PYHIN1: variants seen among roughly 807,000 people sequenced by gnomAD.
PYHIN1 encodes the protein pyrin and HIN domain-containing protein 1.
In PYHIN1, 32 loss-of-function variants were observed where a neutral mutation model predicts 43.7. The ratio of observed to expected loss-of-function variants is 0.73; its 90% CI spans 0.55 to 0.98. The LOEUF is 0.98. Among genes scored for constraint, PYHIN1 ranks in the 50% least tolerant of loss-of-function variants. The pLI is 0.00. For synonymous variants in PYHIN1, 205 were observed against 203.1 expected (o/e 1.01, Z -0.08); for missense variants, 588 against 589.5 (o/e 1.00, Z 0.03).
intron 7 of PYHIN1, among the ~76,000 whole-genome samples, chr1:158,956,318 C>G (rs1214712257): frequency 6.6e-6 from 1 of 152,072 alleles, no homozygotes. Flanking sequence ...AATTTTAGAC[C>G]AATATCCTTG....
rs536001144 is a variant in PYHIN1 at position 158,955,104 on chromosome 1, A to G, written c.1359+10062A>G. 1.7e-3 allele frequency among the ~76,000 whole-genome samples: 254 copies of G among 151,938 alleles called. 2 individuals carry two copies. Among genetic ancestry groups the G allele is most frequent in the African/African-American group, 5.9e-3 (243 of 41,196 alleles). On this transcript the variant is annotated intron_variant, in intron 7 of 8. Coordinates refer to ENST00000368140, the MANE Select transcript of PYHIN1 (RefSeq NM_152501.5). ...CAGGAGCACCCAGATTCGTAAAGGAAGTCCTGAGTGACCTACAAAGAGACT... is the reference window on the plus strand; with the variant it reads ...CAGGAGCACCCAGATTCGTAAAGGAGGTCCTGAGTGACCTACAAAGAGACT...
At chr1:158,937,229 C>A in intron 2 of PYHIN1, 54 bp downstream of exon 2, 1 of 1,502,878 alleles carries the variant, frequency 6.7e-7, no homozygotes, top group Non-Finnish European at 8.9e-7. Flanking sequence ...CCCTTCCCAA[C>A]CTTGATTAGA....
intron 7 of PYHIN1, among the ~76,000 whole-genome samples, chr1:158,958,697 G>A (rs1377786293): frequency 2.7e-5 from 4 of 148,880 alleles, no homozygotes; most frequent in African/African-American, 2.5e-5. Flanking sequence ...CATGGCACAT[G>A]CATACATATG....
intron 8 of PYHIN1, among the ~76,000 whole-genome samples, chr1:158,974,491 C>T (rs978228030): frequency 2.6e-5 from 4 of 151,906 alleles, no homozygotes; most frequent in Admixed American, 6.6e-5. Context: ...CAATTGAATC[C>T]CAGCCTGCTT....
At chr1:158,987,859 G>A in the PYHIN1 span, among the ~76,000 whole-genome samples, 1 of 152,152 alleles carries the variant, frequency 6.6e-6, no homozygotes, top group Admixed American at 6.5e-5. Context: ...TCCTGGCAAA[G>A]CTAATTCAGA....
In PYHIN1 at chr1:158,933,105, T is replaced by C. The variant is rs1648266043; in HGVS notation, c.-21+1329T>C. Among the ~76,000 whole-genome samples the C allele has an allele frequency of 6.6e-6, 1 of 151,758 alleles. No individual in the cohort carries two copies. Among genetic ancestry groups the C allele is most frequent in the African/African-American group, 2.4e-5 (1 of 41,314 alleles). On this transcript the variant is annotated intron_variant, in intron 1 of 8. Transcript: ENST00000368140. This position sits in a 1 kb window ranked among gnomAD's most constrained non-coding sequence, Gnocchi z 6.3. ...TATAGAACCTCCTATTATAAGACGG[T>C]ATTTTCTTGTACTCCTCTCAAATTC...
chr1:158,937,870 G>A (rs1001961444), intron 2 of PYHIN1, among the ~76,000 whole-genome samples: 6 of 151,452 alleles, frequency 4.0e-5, no homozygotes, highest in African/African-American at 1.2e-4. Context: ...GCGTGAACCC[G>A]AGAGGCGGAG....
intron 3 of PYHIN1, 41 bp from the exon 4 acceptor site, chr1:158,939,039 G>T: frequency 1.4e-6 from 2 of 1,446,354 alleles, no homozygotes; most frequent in South Asian, 1.4e-5. Context: ...TGCTTCATTT[G>T]ACACTGAAAG....
rs1648974460 is a variant in PYHIN1, at chr1:158,942,367, T to C, written c.970T>C (p.Tyr324His). The C allele has an allele frequency of 2.5e-6, 4 of 1,608,246 alleles. No individual in the cohort carries two copies. The highest frequency in any genetic ancestry group is 3.4e-6 in the Non-Finnish European group (4 of 1,178,180). Reference protein sequence around the residue: ...INILHKQTSGYIVYGLFMLHT... With the variant: ...INILHKQTSGHIVYGLFMLHT... ...TATTCTTCACAAACAAACTTCAGGATATATTGTATATGGATTATTTATGCT... is the reference window on the plus strand; with the variant it reads ...TATTCTTCACAAACAAACTTCAGGACATATTGTATATGGATTATTTATGCT... The change falls in exon 5 of 9, where the codon TAT becomes CAT. Residue 324 changes from tyrosine to histidine, a missense_variant. Tyr to His is a moderately conservative substitution (Grantham distance 83). Transcript: ENST00000368140.
chr1:158,958,045 AC>A (rs1202942509), intron 7 of PYHIN1, among the ~76,000 whole-genome samples: 1 of 152,252 alleles, frequency 6.6e-6, no homozygotes, highest in Non-Finnish European at 1.5e-5. Flanking sequence ...GCCAATCTAA[AC>A]CACAATGAGA....
intron 7 of PYHIN1, among the ~76,000 whole-genome samples, chr1:158,967,991 CT>C (rs1323492239): frequency 6.6e-6 from 1 of 151,910 alleles, no homozygotes; most frequent in African/African-American, 2.4e-5. Flanking sequence ...TATAAAAACC[CT>C]GGAAGATGAC....
chr1:158,967,763 A>C (rs1650707911), intron 7 of PYHIN1, among the ~76,000 whole-genome samples: 2 of 152,224 alleles, frequency 1.3e-5, no homozygotes, highest in South Asian at 2.1e-4. Context: ...CCAATGAAAC[A>C]GAATAGACAG....
chr1:158,970,997 T>G (rs996826526), intron 7 of PYHIN1, among the ~76,000 whole-genome samples: 1 of 152,172 alleles, frequency 6.6e-6, no homozygotes, highest in East Asian at 1.9e-4. Flanking sequence ...GTTTTTGTAG[T>G]TGAGGGAGTA....
rs1263499168 is a variant in PYHIN1, at chr1:158,944,125, T to C, written c.1191+147T>C. 1.2e-5 allele frequency: 5 copies of C among 417,068 alleles called. No homozygotes were observed. In the Admixed American group the frequency reaches 1.7e-4, roughly 14 times the overall value. The allele number at this position is 417,068 out of a possible 1,614,324, so 25.8% of individuals were successfully genotyped here. A position where few individuals can be genotyped will look rare whatever the true frequency, so the allele number is the denominator to read the frequency against. Reference sequence around the variant, plus strand: ...TAATGCCCTTGCGCTTACATTTAAATAGAGAAAATTATTAAAATATATTAA... The same window carrying C: ...TAATGCCCTTGCGCTTACATTTAAACAGAGAAAATTATTAAAATATATTAA... On this transcript the variant is annotated intron_variant, in intron 6 of 8. Transcript: ENST00000368140.
intron 7 of PYHIN1, among the ~76,000 whole-genome samples, chr1:158,959,662 T>A (rs1396626525): frequency 6.6e-6 from 1 of 152,190 alleles, no homozygotes; most frequent in East Asian, 1.9e-4. Context: ...ACGTTTCAGA[T>A]TAGATGAGGT....
the PYHIN1 span, among the ~76,000 whole-genome samples, chr1:158,988,136 G>A: frequency 0.073 from 11,090 of 152,204 alleles, 472 homozygotes; most frequent in Admixed American, 0.11. Flanking sequence ...CCAGAACTGT[G>A]AAACCATAAA....
intron 4 of PYHIN1, chr1:158,940,211 G>A (rs912048281): frequency 2.0e-5 from 3 of 148,260 alleles, no homozygotes; most frequent in African/African-American, 7.5e-5. Flanking sequence ...GGGTGACAGA[G>A]CGAGACTCCA....
Position 158,973,704 on chromosome 1 carries a change from C to T in PYHIN1, c.1417C>T (p.Pro473Ser), listed in dbSNP as rs759625889. ...GCCTGCAAACTTTAGAATCACCTCA[C>T]CAACTGTGGCCCCTCCTCTTTCTTC... ...SSPANFRITS[P>S]TVAPPLSSDT... The change falls in exon 8 of 9, where the codon CCA becomes TCA. Residue 473 changes from proline (P) to serine (S), a missense_variant. Physicochemically the swap from Pro to Ser is moderately conservative, Grantham distance 74. Transcript: ENST00000368140. The T allele has an allele frequency of 1.2e-6, 2 of 1,613,066 alleles. No homozygotes were observed. The highest frequency in any genetic ancestry group is 2.2e-5 in the South Asian group (2 of 91,058).
intron 7 of PYHIN1, among the ~76,000 whole-genome samples, chr1:158,971,739 G>A (rs529125394): frequency 2.0e-5 from 3 of 151,858 alleles, no homozygotes; most frequent in Admixed American, 6.6e-5. Flanking sequence ...TTATAACTTA[G>A]GAGCATTACT....
Sources: gnomAD v4.1 joint callset for allele counts (sites outside exome capture counted in the v4.1 genomes callset) on GRCh38, gnomAD v4.1.1 for gene constraint, Gnocchi (gnomAD v3.1) non-coding constraint, MANE v1.5 for transcripts, NCBI Gene and HGNC (gene_info 2026-07-23, HGNC 2026-07-21) for gene names.